The following DUT variants were observed in gnomAD, a reference collection of about 807,000 sequenced individuals.
The protein encoded by DUT is deoxyuridine triphosphatase.
A neutral mutation model predicts 28.8 loss-of-function variants in DUT; 21 were observed. That is an observed-to-expected ratio of 0.73 (90% CI 0.52 to 1.05). The LOEUF (loss-of-function observed/expected upper bound fraction) is 1.05, where lower values mean the gene tolerates loss of function less well. DUT is among the 50% of genes least tolerant of loss of function. DUT has a pLI of 0.00. For missense variants in DUT, 344 were observed against 351.8 expected (o/e 0.98, Z 0.18); for synonymous variants, 147 against 143.7 (o/e 1.02, Z -0.17).
intron 6 of DUT, 24 bp from the exon 7 acceptor site, chr15:48,341,998 G>A (rs1258235591): frequency 6.4e-7 from 1 of 1,559,272 alleles, no homozygotes; most frequent in Admixed American, 2.1e-5. Flanking sequence ...AAACTGTGAA[G>A]CTTACTACCT....
At position 48,331,685 on chromosome 15, in the gene DUT, T is replaced by A. The variant is rs527375516; in HGVS notation, c.170T>A (p.Leu57Gln). 1.3e-6 allele frequency: 2 copies of A among 1,525,606 alleles called. No homozygotes were observed. Among genetic ancestry groups the A allele is most frequent in the Admixed American group, 2.0e-5 (1 of 49,042 alleles). The allele number at this position is 1,525,606 out of a possible 1,614,324, so 94.5% of individuals were successfully genotyped here. ...RAAQHGIPRP[L>Q]SSAGRLSQGC... ...GCGCAGCACGGGATTCCCCGGCCGCTGTCCAGCGCTGGCCGCCTGAGCCAA... is the reference window on the plus strand; with the variant it reads ...GCGCAGCACGGGATTCCCCGGCCGCAGTCCAGCGCTGGCCGCCTGAGCCAA... Residue 57 changes from leucine to glutamine, a missense_variant, in exon 1 of 7, where the codon CTG (leucine) becomes CAG (glutamine). Coordinates refer to ENST00000331200, the MANE Select transcript of DUT (RefSeq NM_001025248.2).
chr15:48,331,370 G>A (rs1416457319), upstream of DUT: 30 of 1,463,762 alleles, frequency 2.0e-5, no homozygotes, highest in Non-Finnish European at 2.6e-5. Flanking sequence ...CTGGGCTGCC[G>A]GGGCACCGCC....
rs2042556367 is a variant in DUT, at chr15:48,342,898, A to G, written c.*820A>G. ...AGATAAATGAAATAATACTTCAGCC[A>G]CCAGGTTTTTCTGTCTCACATACAT... On this transcript the variant is annotated 3_prime_UTR_variant, in exon 7 of 7. Transcript: ENST00000331200. 2.0e-5 allele frequency: 3 copies of G among 152,208 alleles called. No individual in the cohort carries two copies. The highest frequency in any genetic ancestry group is 6.5e-5 in the Admixed American group (1 of 15,282). 9.4% of individuals were successfully genotyped at this position (152,208 alleles called of 1,614,324 possible).
rs957933876 is a variant in DUT at position 48,341,515 on chromosome 15, T to C, written c.632T>C (p.Val211Ala). 6.2e-6 allele frequency: 10 copies of C among 1,612,944 alleles called. No individual in the cohort carries two copies. The highest frequency in any genetic ancestry group is 6.8e-6 in the Non-Finnish European group (8 of 1,179,390). The change falls in exon 6 of 7, where the codon GTC (valine) becomes GCC (alanine). Residue 211 changes from valine (V) to alanine (A), a missense_variant and splice_region_variant. Physicochemically the swap from Val to Ala is moderately conservative, Grantham distance 64 (BLOSUM62 0). Transcript: ENST00000331200. Reference sequence around the variant, plus strand: ...GTAATAAACTATTCTTTCTTTGAAGTCAAAAAAGGTGATCGAATTGCACAG... The same window carrying C: ...GTAATAAACTATTCTTTCTTTGAAGCCAAAAAAGGTGATCGAATTGCACAG... ...LFNFGKEKFE[V>A]KKGDRIAQLI...
chr15:48,331,979 C>G (rs1460564559), intron 1 of DUT, 184 bp downstream of exon 1: 10 of 880,816 alleles, frequency 1.1e-5, no homozygotes, highest in Non-Finnish European at 1.4e-5. Flanking sequence ...CCTAGAAGCT[C>G]CCCTTCAAAG....
intron 1 of DUT, 43 bp from the exon 2 acceptor site, chr15:48,332,225 T>A: frequency 6.4e-7 from 1 of 1,553,264 alleles, no homozygotes; most frequent in Non-Finnish European, 8.7e-7. Context: ...CCCCCGGTGG[T>A]CTCCTCGCTC....
intron 4 of DUT, among the ~76,000 whole-genome samples, 181 bp downstream of exon 4, chr15:48,336,271 CTT>C (rs1334706102): frequency 6.6e-6 from 1 of 151,992 alleles, no homozygotes; most frequent in Admixed American, 6.5e-5. Context: ...TAACTACTAA[CTT>C]AATTTTTAAA....
intron 2 of DUT, 104 bp downstream of exon 2, chr15:48,332,510 T>C: frequency 9.6e-7 from 1 of 1,044,316 alleles, no homozygotes; most frequent in Non-Finnish European, 1.4e-6. Context: ...TAGCTATAAA[T>C]AGGATTTCTG....
chr15:48,331,540 G>A lies in DUT; in HGVS notation c.25G>A (p.Ala9Thr), dbSNP rs2042409019. MTPLCPRP[A>T]LCYHFLTSLL... ...AATGACTCCCCTCTGCCCTCGCCCC[G>A]CGCTCTGCTACCATTTCCTTACGTC... Residue 9 changes from alanine to threonine, a missense_variant, in exon 1 of 7, where the codon GCG becomes ACG. Transcript: ENST00000331200. The A allele has an allele frequency of 7.4e-6, 12 of 1,611,362 alleles. No homozygotes were observed. Among genetic ancestry groups the A allele is most frequent in the Non-Finnish European group, 1.0e-5 (12 of 1,179,390 alleles).
chr15:48,341,972 A>G (rs1597486490), intron 6 of DUT, 50 bp from the exon 7 acceptor site: 4 of 1,421,578 alleles, frequency 2.8e-6, no homozygotes, highest in African/African-American at 3.0e-5. Flanking sequence ...GGAAAACTGA[A>G]AGAGGCTCTT....
chr15:48,337,332 A>G (rs2042486264), intron 4 of DUT, among the ~76,000 whole-genome samples: 1 of 152,220 alleles, frequency 6.6e-6, no homozygotes, highest in Admixed American at 6.5e-5. Flanking sequence ...ATAATTGTAT[A>G]TATTTTCAAT....
chr15:48,341,893 A>C (rs1187131790), intron 6 of DUT, 129 bp from the exon 7 acceptor site: 7 of 739,788 alleles, frequency 9.5e-6, no homozygotes, highest in Non-Finnish European at 1.6e-5. Context: ...TTCTTTCTGT[A>C]ATCTCCCTTT....
intron 1 of DUT, 48 bp from the exon 2 acceptor site, chr15:48,332,220 G>A (rs28381103): frequency 6.5e-7 from 1 of 1,549,404 alleles, no homozygotes; most frequent in South Asian, 1.2e-5. Context: ...CTCTTCCCCC[G>A]GTGGTCTCCT....
chr15:48,334,695 C>G (rs1018677241), intron 3 of DUT, among the ~76,000 whole-genome samples, 187 bp downstream of exon 3: 1 of 152,294 alleles, frequency 6.6e-6, no homozygotes, highest in East Asian at 1.9e-4. Context: ...CTTTTTGACC[C>G]TTTTATTTTT....
rs929652668 is a variant in DUT, at chr15:48,341,596, C to T, written c.702+11C>T. The T allele has an allele frequency of 1.3e-6, 2 of 1,597,408 alleles. No individual in the cohort carries two copies. The highest frequency in any genetic ancestry group is 1.7e-6 in the Non-Finnish European group (2 of 1,166,538). On this transcript the variant is annotated intron_variant, in intron 6 of 6. Coordinates refer to ENST00000331200, the MANE Select transcript of DUT (RefSeq NM_001025248.2). ...ATAGAAGAAGTTCAAGTAAGTATTACAAAGGAAGATACAGAATAAGTAATA... is the reference window on the plus strand; with the variant it reads ...ATAGAAGAAGTTCAAGTAAGTATTATAAAGGAAGATACAGAATAAGTAATA...
At chr15:48,333,287 G>A (rs965112524) in intron 2 of DUT, among the ~76,000 whole-genome samples, 11 of 152,234 alleles carry the variant, frequency 7.2e-5, no homozygotes, top group African/African-American at 2.6e-4. Context: ...AAAAGGAAAA[G>A]GAAAGTAGGT....
At chr15:48,334,192 T>C (rs1403191803) in intron 2 of DUT, among the ~76,000 whole-genome samples, 1 of 152,202 alleles carries the variant, frequency 6.6e-6, no homozygotes, top group Non-Finnish European at 1.5e-5. Flanking sequence ...TGGAGAATTA[T>C]TTTATCTAAA....
At chr15:48,331,900 G>GC in intron 1 of DUT, 105 bp downstream of exon 1, 1 of 726,648 alleles carries the variant, frequency 1.4e-6, no homozygotes, top group South Asian at 2.8e-5. Flanking sequence ...CGCGGGGGGC[G>GC]GGGGGGGTGG....
intron 4 of DUT, among the ~76,000 whole-genome samples, chr15:48,336,496 G>A (rs1332525701): frequency 6.6e-6 from 1 of 152,138 alleles, no homozygotes; most frequent in Non-Finnish European, 1.5e-5. Context: ...AGTCCTCTGT[G>A]TTACCTGTTT....
Sources: allele counts gnomAD v4.1 joint callset (sites outside exome capture counted in the v4.1 genomes callset), GRCh38; gene constraint gnomAD v4.1.1; transcripts MANE v1.5; gene names NCBI Gene and HGNC (gene_info 2026-07-23, HGNC 2026-07-21).